Variants in USP46 observed in about 807,000 individuals in gnomAD.
USP46 encodes the protein ubiquitin specific peptidase 46, also known as ubiquitin carboxyl-terminal hydrolase 46.
A neutral mutation model predicts 44.4 loss-of-function variants in USP46; 12 were observed. The observed-to-expected ratio is 0.27, with a 90% CI of 0.17 to 0.44. The LOEUF is 0.44. Among genes scored for constraint, USP46 ranks in the 20% least tolerant of loss-of-function variants. The probability of loss-of-function intolerance (pLI) is 1.00; values close to 1 mark genes in which losing one functional copy is unlikely to be tolerated. For missense variants in USP46, 248 were observed against 444.8 expected, an observed-to-expected ratio of 0.56 and a Z score of 3.98; for synonymous variants, 155 against 161.5, an observed-to-expected ratio of 0.96 and a Z score of 0.31.
chr4:52,624,587 T>C (rs1296999209), intron 4 of USP46, among the ~76,000 whole-genome samples: 1 of 152,212 alleles, frequency 6.6e-6, no homozygotes, highest in Non-Finnish European at 1.5e-5. Context: ...AACTTCTCCC[T>C]TTACATAGAT....
rs1577706953 is a variant in USP46, at chr4:52,659,279, T to G, written c.-129A>C. 3 of 688,070 alleles carry G rather than the reference T, an allele frequency of 4.4e-6. No individual in the cohort carries two copies. Among genetic ancestry groups the G allele is most frequent in the South Asian group, 3.2e-5 (1 of 31,142 alleles). The allele number at this position is 688,070 out of a possible 1,614,324, so 42.6% of individuals were successfully genotyped here. ...CCTGGGGTCCGGCTTTCAGTTTGGC[T>G]GGGAGAGGGAGGCCGGGAGGAGGAG... is the stretch of plus-strand genomic sequence containing the variant. On this transcript the variant is annotated 5_prime_UTR_variant, in exon 1 of 9. Transcript: ENST00000441222. The surrounding 1 kb of genome is among the most constrained non-coding windows in gnomAD (Gnocchi z 4.2).
intron 5 of USP46, among the ~76,000 whole-genome samples, chr4:52,607,031 T>G (rs149796815): frequency 6.6e-6 from 1 of 152,100 alleles, no homozygotes; most frequent in South Asian, 2.1e-4. Context: ...ATCCTCCCAA[T>G]GTCTACTGCA....
At chr4:52,617,437 GAGA>G (rs1717197105) in intron 4 of USP46, among the ~76,000 whole-genome samples, 1 of 152,176 alleles carries the variant, frequency 6.6e-6, no homozygotes, top group African/African-American at 2.4e-5. Context: ...TGGTTTTGGA[GAGA>G]AGGAGAAATG....
At chr4:52,610,676 G>A in intron 4 of USP46, 59 bp from the exon 5 acceptor site, 1 of 1,511,528 alleles carries the variant, frequency 6.6e-7, no homozygotes, top group Non-Finnish European at 9.1e-7. Flanking sequence ...ATAAAACTTT[G>A]AACATGTATA....
chr4:52,625,019 T>G (rs551271854), intron 4 of USP46, among the ~76,000 whole-genome samples: 1 of 152,180 alleles, frequency 6.6e-6, no homozygotes, highest in South Asian at 2.1e-4. Flanking sequence ...CTTTGCAAAA[T>G]CTGACAAAAG....
intron 5 of USP46, among the ~76,000 whole-genome samples, chr4:52,606,626 C>T (rs1364840518): frequency 6.6e-6 from 1 of 152,164 alleles, no homozygotes; most frequent in East Asian, 1.9e-4. Context: ...GGAATTATTA[C>T]AATCCAATGA....
At chr4:52,600,738 T>A (rs561290152) in intron 7 of USP46, among the ~76,000 whole-genome samples, 43 of 152,216 alleles carry the variant, frequency 2.8e-4, no homozygotes, top group Admixed American at 1.1e-3. Context: ...TCCCAGGCTC[T>A]GCCTGCCCTA....
At chr4:52,640,115 A>T (rs1417752985) in intron 1 of USP46, among the ~76,000 whole-genome samples, 1 of 152,186 alleles carries the variant, frequency 6.6e-6, no homozygotes, top group Non-Finnish European at 1.5e-5. Context: ...ATAGTAATTC[A>T]TATGATGGAA....
chr4:52,594,513 G>A lies in USP46; in HGVS notation c.*3127C>T, dbSNP rs888294447. On this transcript the variant is annotated 3_prime_UTR_variant, in exon 9 of 9. Transcript: ENST00000441222. ...TACATGAGTTCATTACAATAGTGCT[G>A]ATAAATGCCTTGACCATATAATAGC... 1.3e-5 allele frequency: 2 copies of A among 152,160 alleles called. No individual in the cohort carries two copies. The highest frequency in any genetic ancestry group is 1.3e-4 in the Admixed American group (2 of 15,276). 9.4% of individuals were successfully genotyped at this position (152,160 alleles called of 1,614,324 possible). A position where few individuals can be genotyped will look rare whatever the true frequency, so the allele number is the denominator to read the frequency against.
chr4:52,626,322 T>C, intron 3 of USP46, 75 bp from the exon 4 acceptor site: 1 of 1,290,560 alleles, frequency 7.7e-7, no homozygotes, highest in South Asian at 1.4e-5. Context: ...TTACATGCCA[T>C]ACTTAAATAT....
intron 1 of USP46, chr4:52,658,235 G>T: frequency 2.2e-6 from 1 of 456,104 alleles, no homozygotes; most frequent in Non-Finnish European, 4.4e-6. Flanking sequence ...GACAAGTGGA[G>T]GCGCCAGCAG....
chr4:52,603,658 T>A (rs1716564856), intron 6 of USP46, among the ~76,000 whole-genome samples: 1 of 152,120 alleles, frequency 6.6e-6, no homozygotes, highest in Non-Finnish European at 1.5e-5. Context: ...GTGCAATAAC[T>A]TTCTAACTTT....
intron 1 of USP46, among the ~76,000 whole-genome samples, chr4:52,637,092 G>A (rs185441285): frequency 1.8e-3 from 267 of 152,266 alleles, no homozygotes; most frequent in Non-Finnish European, 2.9e-3. Context: ...TAACAGGTAT[G>A]AGCCACTGCA....
chr4:52,635,184 A>G (rs1718065035), intron 1 of USP46, among the ~76,000 whole-genome samples: 1 of 151,076 alleles, frequency 6.6e-6, no homozygotes, highest in African/African-American at 2.4e-5. Context: ...CAGAACCTCT[A>G]GTCCTCTACT....
chr4:52,637,615 T>C (rs939673330), intron 1 of USP46, among the ~76,000 whole-genome samples: 2 of 152,006 alleles, frequency 1.3e-5, no homozygotes, highest in Admixed American at 1.3e-4. Context: ...AATCTCTCAA[T>C]CTCATGTGCT....
chr4:52,631,007 G>A (rs1019516907), intron 2 of USP46, 57 bp downstream of exon 2: 2 of 1,408,832 alleles, frequency 1.4e-6, no homozygotes, highest in African/African-American at 2.9e-5. Context: ...ACTTAAAGTG[G>A]AGTTGCTTCA....
chr4:52,651,906 C>T (rs1286177601), intron 1 of USP46, among the ~76,000 whole-genome samples: 2 of 152,196 alleles, frequency 1.3e-5, no homozygotes, highest in African/African-American at 2.4e-5. Flanking sequence ...TACTAGTTTT[C>T]ACCCCTCCAC....
intron 1 of USP46, among the ~76,000 whole-genome samples, chr4:52,639,344 T>C (rs995955648): frequency 1.3e-5 from 2 of 152,232 alleles, no homozygotes; most frequent in African/African-American, 4.8e-5. Context: ...CATGTAAGTA[T>C]GCAAGAGGAT....
chr4:52,658,718 G>C (rs1719053726), intron 1 of USP46, among the ~76,000 whole-genome samples: 1 of 152,208 alleles, frequency 6.6e-6, no homozygotes, highest in Non-Finnish European at 1.5e-5. Context: ...CAGTCTGGAC[G>C]TCCAATAAGG....
Sources: allele counts gnomAD v4.1 joint callset (sites outside exome capture counted in the v4.1 genomes callset), GRCh38; gene constraint gnomAD v4.1.1; non-coding constraint Gnocchi (gnomAD v3.1); transcripts MANE v1.5; gene names NCBI Gene and HGNC (gene_info 2026-07-23, HGNC 2026-07-21).